PRELID2: variants seen among roughly 807,000 people sequenced by gnomAD.
The protein encoded by PRELID2 is PRELI domain-containing protein 2.
In PRELID2, 25 loss-of-function variants were observed where a neutral mutation model predicts 28.4. The ratio of observed to expected loss-of-function variants is 0.88; its 90% CI spans 0.64 to 1.23. PRELID2 has a LOEUF of 1.23. Among genes scored for constraint, PRELID2 ranks in the 50% most tolerant of loss-of-function variants. The pLI is 0.00. For missense variants in PRELID2, 201 were observed against 214.4 expected (o/e 0.94, Z 0.39); for synonymous variants, 76 against 71.6 (o/e 1.06, Z -0.31).
At chr5:145,638,498 T>C (rs1238706923) in intron 1 of PRELID2, among the ~76,000 whole-genome samples, 1 of 152,252 alleles carries the variant, frequency 6.6e-6, no homozygotes, top group Non-Finnish European at 1.5e-5. Context: ...TAACTGTCTA[T>C]ATCTTACCCT....
chr5:145,286,659 T>C, the PRELID2 span, among the ~76,000 whole-genome samples: 2 of 151,322 alleles, frequency 1.3e-5, no homozygotes, highest in Admixed American at 6.6e-5. Flanking sequence ...CAGCTGAAAA[T>C]AAACAAGGAA....
At chr5:145,820,326 G>A (rs1021035299) in intron 2 of PRELID2, among the ~76,000 whole-genome samples, 1 of 152,042 alleles carries the variant, frequency 6.6e-6, no homozygotes, top group African/African-American at 2.4e-5. Context: ...TTTCAGGGCC[G>A]AATCAGGTAT....
chr5:145,740,146 T>A (rs548553778), intron 1 of PRELID2, among the ~76,000 whole-genome samples: 261 of 149,226 alleles, frequency 1.7e-3, no homozygotes, highest in Non-Finnish European at 3.0e-3. Context: ...TAAGTATATA[T>A]ATCATACAAA....
intron 1 of PRELID2, among the ~76,000 whole-genome samples, chr5:145,488,111 G>A (rs553859957): frequency 1.3e-4 from 16 of 127,170 alleles, no homozygotes; most frequent in African/African-American, 3.9e-4. Context: ...GCAACAGAGC[G>A]AGACTCTGTC....
At chr5:145,808,558 G>C (rs558706466) in intron 4 of PRELID2, among the ~76,000 whole-genome samples, 30 of 152,234 alleles carry the variant, frequency 2.0e-4, no homozygotes, top group Middle Eastern at 3.4e-3. Context: ...ATATTCATGA[G>C]TAATTTCAGT....
intron 1 of PRELID2, among the ~76,000 whole-genome samples, chr5:145,715,049 C>T (rs1379198907): frequency 6.6e-6 from 1 of 152,130 alleles, no homozygotes; most frequent in East Asian, 1.9e-4. Flanking sequence ...GATTTAAATA[C>T]CACATCTGTA....
At chr5:145,812,244 A>G (rs1561638045) in intron 4 of PRELID2, among the ~76,000 whole-genome samples, 1 of 152,114 alleles carries the variant, frequency 6.6e-6, no homozygotes, top group Non-Finnish European at 1.5e-5. Flanking sequence ...TGATGTTGAC[A>G]GTCATGAGGA....
intron 1 of PRELID2, among the ~76,000 whole-genome samples, chr5:145,654,699 C>T (rs1754361275): frequency 6.6e-6 from 1 of 150,682 alleles, no homozygotes; most frequent in South Asian, 2.1e-4. Context: ...AATTCAACAA[C>T]CCTTCATGCT....
chr5:145,563,676 G>A (rs6866557), intron 1 of PRELID2, among the ~76,000 whole-genome samples: 39,010 of 152,056 alleles, frequency 0.26, 8,340 homozygotes, highest in African/African-American at 0.59. Flanking sequence ...TAAGCCAGAC[G>A]CAAAAAGAAA....
intron 1 of PRELID2, among the ~76,000 whole-genome samples, chr5:145,510,904 C>T (rs924111747): frequency 6.6e-6 from 1 of 152,186 alleles, no homozygotes; most frequent in South Asian, 2.1e-4. Flanking sequence ...CCTTTAGGTG[C>T]CCAGTTTTGG....
At chr5:145,229,991 C>A in the PRELID2 span, 1 of 736,218 alleles carries the variant, frequency 1.4e-6, no homozygotes, top group Non-Finnish European at 2.5e-6. Context: ...CCGGGTTCAT[C>A]AACATCAACT....
chr5:145,245,628 T>A, the PRELID2 span, among the ~76,000 whole-genome samples: 1 of 152,114 alleles, frequency 6.6e-6, no homozygotes, highest in African/African-American at 2.4e-5. Flanking sequence ...TCTTCTCCGC[T>A]GCCCTGAAGG....
the PRELID2 span, among the ~76,000 whole-genome samples, chr5:145,425,719 C>T: frequency 6.6e-6 from 1 of 152,158 alleles, no homozygotes; most frequent in African/African-American, 2.4e-5. Flanking sequence ...AACATATGGA[C>T]ACATGGTGGG....
chr5:145,546,021 G>A (rs2126676674), intron 1 of PRELID2, among the ~76,000 whole-genome samples: 1 of 152,218 alleles, frequency 6.6e-6, no homozygotes, highest in East Asian at 1.9e-4. Context: ...CATTAGAACA[G>A]TGTTTCTCAA....
downstream of PRELID2, among the ~76,000 whole-genome samples, chr5:145,471,420 G>C (rs1752053439): frequency 6.6e-6 from 1 of 152,150 alleles, no homozygotes; most frequent in South Asian, 2.1e-4. Context: ...GAAGTTCTCA[G>C]AGAAGCAATC....
chr5:145,288,725 T>A, the PRELID2 span, among the ~76,000 whole-genome samples: 2 of 152,104 alleles, frequency 1.3e-5, no homozygotes, highest in South Asian at 4.1e-4. Flanking sequence ...GTATAAAATA[T>A]TCATGTGCAC....
chr5:145,315,837 T>A, the PRELID2 span, among the ~76,000 whole-genome samples: 1 of 150,892 alleles, frequency 6.6e-6, no homozygotes, highest in Non-Finnish European at 1.5e-5. Flanking sequence ...ATTGTGGTGA[T>A]AATTTTACAA....
intron 1 of PRELID2, among the ~76,000 whole-genome samples, chr5:145,592,514 AC>A (rs1274267687): frequency 6.6e-6 from 1 of 152,136 alleles, no homozygotes; most frequent in Non-Finnish European, 1.5e-5. Context: ...AGTGATGACC[AC>A]AGCAGAATAG....
At chr5:145,303,244 G>T in the PRELID2 span, among the ~76,000 whole-genome samples, 1 of 152,284 alleles carries the variant, frequency 6.6e-6, no homozygotes, top group East Asian at 1.9e-4. Flanking sequence ...CTGGAAGCTT[G>T]TTTCTGATAC....
Sources: gnomAD v4.1 joint callset for allele counts (sites outside exome capture counted in the v4.1 genomes callset) on GRCh38, gnomAD v4.1.1 for gene constraint, MANE v1.5 for transcripts, NCBI Gene and HGNC (gene_info 2026-07-23, HGNC 2026-07-21) for gene names.